Variants in LRRC7 observed in about 807,000 individuals in gnomAD.
The protein encoded by LRRC7 is leucine-rich repeat-containing protein 7.
Under a neutral mutation model 175.7 loss-of-function variants are expected in LRRC7, and 23 were observed. That is an observed-to-expected ratio of 0.13 (90% CI 0.09 to 0.19). The LOEUF (loss-of-function observed/expected upper bound fraction) is 0.19, where lower values mean the gene tolerates loss of function less well. Among genes scored for constraint, LRRC7 ranks in the 10% least tolerant of loss-of-function variants. The pLI, the probability that LRRC7 is intolerant of heterozygous loss-of-function variation, is 1.00. For missense variants in LRRC7, 1,354 were observed against 1,904.7 expected (o/e 0.71, Z 5.38); for synonymous variants, 685 against 680.9 (o/e 1.01, Z -0.09).
rs990621109 is a variant in LRRC7 at position 70,137,654 on chromosome 1, A to G, written c.*15767A>G. Reference sequence around the variant, plus strand: ...TGAGATAAAATTTTCTAGGAAGTATAAAAACTAAAGAATGCCTGGAACTAT... The same window carrying G: ...TGAGATAAAATTTTCTAGGAAGTATGAAAACTAAAGAATGCCTGGAACTAT... On this transcript the variant is annotated 3_prime_UTR_variant, in exon 27 of 27. Coordinates refer to ENST00000651989, the MANE Select transcript of LRRC7 (RefSeq NM_001370785.2). Among the ~76,000 whole-genome samples the G allele has an allele frequency of 1.3e-5, 2 of 152,256 alleles. No homozygotes were observed. The highest frequency in any genetic ancestry group is 2.9e-5 in the Non-Finnish European group (2 of 68,044).
intron 6 of LRRC7, among the ~76,000 whole-genome samples, chr1:69,835,828 A>G: frequency 6.6e-6 from 1 of 152,122 alleles, no homozygotes; most frequent in African/African-American, 2.4e-5. Context: ...TATAATAATA[A>G]TATTATCTTA....
At chr1:69,709,610 T>G (rs1557630262) in intron 2 of LRRC7, among the ~76,000 whole-genome samples, 1 of 152,180 alleles carries the variant, frequency 6.6e-6, no homozygotes, top group African/African-American at 2.4e-5. Flanking sequence ...GAAAGTCAGG[T>G]TTTACATCTA....
chr1:69,627,442 T>C (rs1217783020), intron 1 of LRRC7, among the ~76,000 whole-genome samples: 2 of 152,186 alleles, frequency 1.3e-5, no homozygotes, highest in African/African-American at 2.4e-5. Context: ...TCTTTTAAAT[T>C]TGTTTAAGTT....
intron 25 of LRRC7, among the ~76,000 whole-genome samples, chr1:70,098,573 G>A (rs1364297184): frequency 6.6e-6 from 1 of 151,348 alleles, no homozygotes; most frequent in African/African-American, 2.4e-5. Flanking sequence ...TAGACCGCTA[G>A]CAAGACTAAT....
chr1:69,975,779 C>T (rs1004386068), intron 8 of LRRC7, among the ~76,000 whole-genome samples: 20 of 152,322 alleles, frequency 1.3e-4, no homozygotes, highest in Non-Finnish European at 2.9e-4. Flanking sequence ...CCCATACCAT[C>T]CCTGCAGTCT....
chr1:70,083,624 T>C (rs1205919095), intron 24 of LRRC7, among the ~76,000 whole-genome samples: 2 of 152,192 alleles, frequency 1.3e-5, no homozygotes, highest in Non-Finnish European at 2.9e-5. Flanking sequence ...TTATATGCAA[T>C]TAGCTACTTG....
At chr1:69,754,509 G>A (rs796352827) in intron 2 of LRRC7, among the ~76,000 whole-genome samples, 10 of 152,150 alleles carry the variant, frequency 6.6e-5, no homozygotes, top group African/African-American at 2.4e-4. Context: ...TTGGTAACAT[G>A]GGAGGAGGAG....
rs531837678 is a variant in LRRC7, at chr1:69,737,112, A to G, written c.101-23079A>G. Among the ~76,000 whole-genome samples the G allele has an allele frequency of 1.2e-4, 18 of 152,134 alleles. No homozygotes were observed. In the South Asian group the frequency reaches 3.5e-3, roughly 30 times the overall value. On this transcript the variant is annotated intron_variant, in intron 2 of 26. Transcript: ENST00000651989. ...CTGCCTGCTTTGCATTCTTTACAAA[A>G]CTTCACTTAACATCCACTAGCCAGA... is the stretch of plus-strand genomic sequence containing the variant.
chr1:69,623,710 C>A (rs558418564), intron 1 of LRRC7, among the ~76,000 whole-genome samples: 60 of 152,076 alleles, frequency 3.9e-4, no homozygotes, highest in African/African-American at 1.4e-3. Context: ...ACCAGCACGC[C>A]CGGCTAATTT....
intron 7 of LRRC7, among the ~76,000 whole-genome samples, chr1:69,900,526 T>C (rs542860394): frequency 6.6e-6 from 1 of 152,212 alleles, no homozygotes; most frequent in African/African-American, 2.4e-5. Context: ...TATTGTTTTC[T>C]TATTTTTGAT....
chr1:69,767,830 A>G (rs1569636477), intron 3 of LRRC7, among the ~76,000 whole-genome samples: 2 of 152,284 alleles, frequency 1.3e-5, no homozygotes, highest in African/African-American at 4.8e-5. Context: ...AGTGAAAATG[A>G]AGGTAAATTT....
intron 8 of LRRC7, among the ~76,000 whole-genome samples, chr1:69,946,830 C>T (rs192187842): frequency 1.3e-5 from 2 of 152,054 alleles, no homozygotes; most frequent in African/African-American, 4.8e-5. Context: ...GTAATCTCAG[C>T]ACTTTGGGAG....
intron 1 of LRRC7, among the ~76,000 whole-genome samples, chr1:69,594,549 G>A (rs752644301): frequency 1.3e-5 from 2 of 151,998 alleles, no homozygotes; most frequent in Non-Finnish European, 2.9e-5. Flanking sequence ...TTTATTACCT[G>A]CCTCTTGGGG....
chr1:70,070,805 T>C (rs1571236095), intron 23 of LRRC7, among the ~76,000 whole-genome samples: 1 of 152,196 alleles, frequency 6.6e-6, no homozygotes, highest in South Asian at 2.1e-4. Flanking sequence ...GACTCTCTAC[T>C]AGGCCTTCTC....
intron 1 of LRRC7, among the ~76,000 whole-genome samples, chr1:69,670,844 C>T (rs1305326288): frequency 6.6e-6 from 1 of 152,090 alleles, no homozygotes; most frequent in Non-Finnish European, 1.5e-5. Context: ...TCCCTTAAGG[C>T]TCAAGGGCTC....
chr1:69,715,899 A>G (rs1665293375), intron 2 of LRRC7, among the ~76,000 whole-genome samples: 1 of 152,000 alleles, frequency 6.6e-6, no homozygotes, highest in Non-Finnish European at 1.5e-5. Context: ...ATGTTGCATT[A>G]AGGAAGAATG....
chr1:70,104,606 T>C (rs1665021547), intron 25 of LRRC7, among the ~76,000 whole-genome samples: 1 of 152,150 alleles, frequency 6.6e-6, no homozygotes, highest in Non-Finnish European at 1.5e-5. Context: ...GCTTATTGAT[T>C]GAAAAGACAT....
chr1:69,612,372 C>A (rs945844438), intron 1 of LRRC7, among the ~76,000 whole-genome samples: 1 of 151,636 alleles, frequency 6.6e-6, no homozygotes, highest in African/African-American at 2.4e-5. Context: ...ACTTAGTATC[C>A]CAATAACTTG....
rs1274250121 is a variant in LRRC7 at position 70,053,078 on chromosome 1, C to G, written c.4163C>G (p.Pro1388Arg). The change falls in exon 23 of 27, where the codon CCT becomes CGT. Residue 1388 changes from proline to arginine, a missense_variant. Coordinates refer to ENST00000651989, the MANE Select transcript of LRRC7 (RefSeq NM_001370785.2). Reference sequence around the variant, plus strand: ...GACAATGGACAAGAAGATGTATCTCCTAGTGGCCAATGGAATCCTTATCCA... The same window carrying G: ...GACAATGGACAAGAAGATGTATCTCGTAGTGGCCAATGGAATCCTTATCCA... ...ILDNGQEDVS[P>R]SGQWNPYPLG... 1 of 1,611,762 alleles carries G rather than the reference C, an allele frequency of 6.2e-7. No homozygotes were observed. Among genetic ancestry groups the G allele is most frequent in the East Asian group, 2.2e-5 (1 of 44,724 alleles).
Sources: gnomAD v4.1 joint callset for allele counts (sites outside exome capture counted in the v4.1 genomes callset) on GRCh38, gnomAD v4.1.1 for gene constraint, MANE v1.5 for transcripts, NCBI Gene and HGNC (gene_info 2026-07-23, HGNC 2026-07-21) for gene names.